DPP6: variants seen among roughly 807,000 people sequenced by gnomAD.
DPP6 encodes the protein A-type potassium channel modulatory protein DPP6.
Under a neutral mutation model 122.6 loss-of-function variants are expected in DPP6, and 69 were observed. The observed-to-expected ratio is 0.56, with a 90% CI of 0.46 to 0.69. The LOEUF (loss-of-function observed/expected upper bound fraction) is 0.69. DPP6 is among the 30% of genes least tolerant of loss of function. The probability of loss-of-function intolerance (pLI) is 0.00; values close to 1 mark genes in which losing one functional copy is unlikely to be tolerated. For missense variants in DPP6, 928 were observed against 1,116.9 expected (o/e 0.83, Z 2.41); for synonymous variants, 418 against 433.1 (o/e 0.97, Z 0.43).
At chr7:153,857,322 T>TCTCTC in the DPP6 span, among the ~76,000 whole-genome samples, 14 of 124,388 alleles carry the variant, frequency 1.1e-4, no homozygotes, top group African/African-American at 3.5e-4. Flanking sequence ...CTCAAAGGTT[T>TCTCTC]TCTCTCTCTC....
chr7:154,070,745 T>C (rs1397505024), intron 1 of DPP6, among the ~76,000 whole-genome samples: 1 of 152,178 alleles, frequency 6.6e-6, no homozygotes, highest in East Asian at 1.9e-4. Flanking sequence ...CTTCACATCA[T>C]TTGGTTAATT....
At chr7:154,389,450 A>C (rs1814419765) in intron 1 of DPP6, among the ~76,000 whole-genome samples, 1 of 97,630 alleles carries the variant, frequency 1.0e-5, no homozygotes, top group South Asian at 4.2e-4. Flanking sequence ...GTTTTCCTTA[A>C]ATTTTTTTTT....
chr7:154,490,460 T>C (rs944906988), intron 3 of DPP6, among the ~76,000 whole-genome samples: 6 of 152,168 alleles, frequency 3.9e-5, no homozygotes, highest in Non-Finnish European at 8.8e-5. Context: ...AGGATGAGTT[T>C]GTCAGCAGTG....
At chr7:154,834,655 G>A (rs1800905587) in intron 16 of DPP6, among the ~76,000 whole-genome samples, 2 of 152,252 alleles carry the variant, frequency 1.3e-5, no homozygotes, top group Admixed American at 6.5e-5. Flanking sequence ...ACGGTGGTGA[G>A]CAGAAGCGCT....
intron 1 of DPP6, among the ~76,000 whole-genome samples, chr7:154,370,581 C>A (rs1376475963): frequency 6.6e-6 from 1 of 152,124 alleles, no homozygotes; most frequent in Non-Finnish European, 1.5e-5. Context: ...GTTTGTATAA[C>A]CTTTATCTTT....
intron 16 of DPP6, among the ~76,000 whole-genome samples, chr7:154,827,193 C>T (rs554354456): frequency 6.6e-6 from 1 of 151,124 alleles, no homozygotes; most frequent in South Asian, 2.1e-4. Flanking sequence ...AATCCACCCC[C>T]TCCCAGACAC....
chr7:154,621,999 C>T (rs1834718141), intron 5 of DPP6, among the ~76,000 whole-genome samples: 1 of 152,180 alleles, frequency 6.6e-6, no homozygotes, highest in East Asian at 1.9e-4. Flanking sequence ...TATATTTCCC[C>T]CAATGATTGC....
intron 5 of DPP6, among the ~76,000 whole-genome samples, chr7:154,597,161 G>A (rs958567950): frequency 1.6e-5 from 2 of 123,912 alleles, no homozygotes; most frequent in African/African-American, 3.4e-5. Flanking sequence ...CAGAGACAGA[G>A]AGGGAGAGAA....
At chr7:154,889,629 A>G (rs762199544) in intron 25 of DPP6, 99 bp downstream of exon 25, 50 of 1,521,668 alleles carry the variant, frequency 3.3e-5, no homozygotes, top group Non-Finnish European at 4.4e-5. Flanking sequence ...TGCAGCAGAC[A>G]CGCCTGTGCT....
intron 1 of DPP6, among the ~76,000 whole-genome samples, chr7:154,442,328 T>G (rs1035439922): frequency 1.3e-5 from 2 of 152,078 alleles, no homozygotes; most frequent in Non-Finnish European, 2.9e-5. Flanking sequence ...AAGAGATAAA[T>G]TAATAGTGGA....
At chr7:154,594,363 G>A (rs1832968543) in intron 5 of DPP6, among the ~76,000 whole-genome samples, 1 of 152,158 alleles carries the variant, frequency 6.6e-6, no homozygotes, top group South Asian at 2.1e-4. Flanking sequence ...CTCCTTGAAG[G>A]TAGGGAATGT....
intron 1 of DPP6, among the ~76,000 whole-genome samples, chr7:154,224,182 A>C (rs1563336306): frequency 6.7e-6 from 1 of 148,720 alleles, no homozygotes; most frequent in Non-Finnish European, 1.5e-5. Flanking sequence ...GTGGAGAGAA[A>C]TGGACAACGT....
intron 1 of DPP6, among the ~76,000 whole-genome samples, chr7:154,440,464 C>T (rs1219156993): frequency 2.0e-5 from 3 of 152,162 alleles, no homozygotes; most frequent in Non-Finnish European, 4.4e-5. Context: ...CTTTATTGGA[C>T]GATGAGTTAG....
chr7:154,135,184 G>A (rs865880890), intron 1 of DPP6, among the ~76,000 whole-genome samples: 3 of 151,576 alleles, frequency 2.0e-5, no homozygotes, highest in African/African-American at 7.3e-5. Context: ...TCCTATCTGT[G>A]CACTTCCTGT....
chr7:153,878,757 T>C, the DPP6 span, among the ~76,000 whole-genome samples: 63 of 152,252 alleles, frequency 4.1e-4, no homozygotes, highest in Admixed American at 3.9e-3. Context: ...GGCACTTCTC[T>C]CTAAATGTCG....
At chr7:153,831,263 C>T in the DPP6 span, among the ~76,000 whole-genome samples, 2 of 152,144 alleles carry the variant, frequency 1.3e-5, no homozygotes, top group Non-Finnish European at 2.9e-5. Context: ...ATTTTCATAG[C>T]GTTAATATTC....
At chr7:154,819,785 G>A (rs1799646582) in intron 16 of DPP6, among the ~76,000 whole-genome samples, 1 of 152,170 alleles carries the variant, frequency 6.6e-6, no homozygotes, top group Admixed American at 6.5e-5. Flanking sequence ...AACATAAATG[G>A]TTCACTGTTA....
chr7:154,294,513 T>C (rs1319418741), intron 1 of DPP6, among the ~76,000 whole-genome samples: 1 of 152,180 alleles, frequency 6.6e-6, no homozygotes, highest in Non-Finnish European at 1.5e-5. Flanking sequence ...CTCTGGAGAT[T>C]TTCTGCATGG....
upstream of DPP6, among the ~76,000 whole-genome samples, chr7:154,051,140 G>C (rs1800286928): frequency 2.4e-5 from 3 of 124,556 alleles, 1 homozygote; most frequent in African/African-American, 9.0e-5. Context: ...ACCCTAAGTG[G>C]AAACAGGCAT....
Sources: allele counts gnomAD v4.1 joint callset (sites outside exome capture counted in the v4.1 genomes callset), GRCh38; gene constraint gnomAD v4.1.1; transcripts MANE v1.5; gene names NCBI Gene and HGNC (gene_info 2026-07-23, HGNC 2026-07-21).